BBIP1: variants seen among roughly 807,000 people sequenced by gnomAD.
BBIP1 encodes the protein BBSome-interacting protein 1.
In BBIP1, 6 loss-of-function variants were observed where a neutral mutation model predicts 8.9. The observed-to-expected ratio is 0.67, with a 90% CI of 0.37 to 1.33. BBIP1 has a LOEUF of 1.33. BBIP1 is among the 40% of genes most tolerant of loss of function. BBIP1 has a pLI of 0.02. For synonymous variants in BBIP1, 32 were observed against 33.4 expected (o/e 0.96, Z 0.14); for missense variants, 111 against 109.2 (o/e 1.02, Z -0.07).
chr10:110,907,601 G>C (rs529871959), intron 2 of BBIP1: 123 of 532,906 alleles, frequency 2.3e-4, no homozygotes, highest in South Asian at 2.4e-4. Flanking sequence ...TTTATCCACA[G>C]GTCCATTTTC....
At chr10:110,904,258 T>TA (rs60057763) in intron 2 of BBIP1, 2 of 152,004 alleles carry the variant, frequency 1.3e-5, no homozygotes, top group Non-Finnish European at 2.9e-5. Context: ...TGAGTTTTTT[T>TA]ATCATCTGCC....
Position 110,900,310 on chromosome 10 carries a change from T to G in BBIP1, c.*50A>C, listed in dbSNP as rs746988875. On this transcript the variant is annotated 3_prime_UTR_variant, in exon 4 of 4. Transcript: ENST00000448814. ...ACACAGAAGCATATTTTCTAGTTAT[T>G]GTTAAATAGTAGATAAGGCAGGTTG... is the stretch of plus-strand genomic sequence containing the variant. 6 of 1,459,428 alleles carry G rather than the reference T, an allele frequency of 4.1e-6. No homozygotes were observed. The highest frequency in any genetic ancestry group is 4.6e-6 in the Non-Finnish European group (5 of 1,098,024). The allele number at this position is 1,459,428 out of a possible 1,614,324, so 90.4% of individuals were successfully genotyped here. A position where few individuals can be genotyped will look rare whatever the true frequency, so the allele number is the denominator to read the frequency against.
chr10:110,918,587 G>A (rs893828868), intron 1 of BBIP1, among the ~76,000 whole-genome samples: 1 of 152,270 alleles, frequency 6.6e-6, no homozygotes, highest in African/African-American at 2.4e-5. Context: ...GCCGGAGTTA[G>A]GAGCTCCGCC....
intron 2 of BBIP1, chr10:110,910,592 C>T (rs1357214775): frequency 1.3e-5 from 2 of 152,184 alleles, no homozygotes; most frequent in African/African-American, 2.4e-5. Context: ...ATAACAGACA[C>T]TAAGAGGAGA....
intron 2 of BBIP1, chr10:110,912,364 T>C (rs1846300180): frequency 6.6e-6 from 1 of 152,170 alleles, no homozygotes; most frequent in East Asian, 1.9e-4. Flanking sequence ...TTTAAAAGCT[T>C]ACAAATTTTG....
chr10:110,900,615 A>G, intron 3 of BBIP1, 89 bp from the exon 4 acceptor site: 1 of 1,099,392 alleles, frequency 9.1e-7, no homozygotes, highest in Non-Finnish European at 1.2e-6. Context: ...GGTCTAAAAA[A>G]TTAATCTCTT....
chr10:110,914,463 G>A (rs1846349608), intron 2 of BBIP1, among the ~76,000 whole-genome samples: 3 of 151,752 alleles, frequency 2.0e-5, no homozygotes, highest in Admixed American at 2.0e-4. Context: ...TGAGAAAAAG[G>A]TGAAAAGGGG....
chr10:110,907,059 C>T (rs547566522), intron 2 of BBIP1: 4 of 152,244 alleles, frequency 2.6e-5, no homozygotes, highest in Admixed American at 2.0e-4. Context: ...TGCAGAAGCA[C>T]TACTTACTTA....
rs1162466475 is a variant in BBIP1, at chr10:110,900,075, A to AAGAT, written c.*281_*284dup. The AAGAT allele has an allele frequency of 1.1e-5, 3 of 279,484 alleles. No homozygotes were observed. Among genetic ancestry groups the AAGAT allele is most frequent in the African/African-American group, 4.4e-5 (2 of 45,506 alleles). The allele number at this position is 279,484 out of a possible 1,614,324, so 17.3% of individuals were successfully genotyped here. A position where few individuals can be genotyped will look rare whatever the true frequency, so the allele number is the denominator to read the frequency against. On this transcript the variant is annotated 3_prime_UTR_variant, in exon 4 of 4. Coordinates refer to ENST00000448814, the MANE Select transcript of BBIP1 (RefSeq NM_001195305.3). ...AAGATCCCAAGAATGTTATCTATAA[A>AAGAT]AGATAGCAATAGGAATGGTGAACAA...
chr10:110,911,618 G>A (rs1258072380), intron 2 of BBIP1: 3 of 151,336 alleles, frequency 2.0e-5, no homozygotes, highest in Admixed American at 6.6e-5. Flanking sequence ...GGAGGTGAAC[G>A]GGCACATGGG....
At chr10:110,913,982 T>G (rs1402395615) in intron 2 of BBIP1, among the ~76,000 whole-genome samples, 2 of 152,210 alleles carry the variant, frequency 1.3e-5, no homozygotes, top group African/African-American at 4.8e-5. Context: ...AGCCCACATT[T>G]CAACATGGCA....
chr10:110,910,586 CAG>C (rs1846252350), intron 2 of BBIP1: 1 of 152,168 alleles, frequency 6.6e-6, no homozygotes, highest in Non-Finnish European at 1.5e-5. Context: ...GCAGTGATAA[CAG>C]ACACTAAGAG....
At chr10:110,902,460 A>C (rs1045303023) in intron 2 of BBIP1, 1 of 152,186 alleles carries the variant, frequency 6.6e-6, no homozygotes, top group African/African-American at 2.4e-5. Flanking sequence ...TGCTGATGCA[A>C]CCTTACCATG....
chr10:110,907,515 GAAAAAA>G (rs34559519), intron 2 of BBIP1: 18 of 361,086 alleles, frequency 5.0e-5, no homozygotes, highest in Non-Finnish European at 7.0e-5. Context: ...CTTGTCTCAA[GAAAAAA>G]AAAAAAAAAG....
At chr10:110,913,641 C>T (rs1326930424) in intron 2 of BBIP1, among the ~76,000 whole-genome samples, 1 of 152,172 alleles carries the variant, frequency 6.6e-6, no homozygotes, top group African/African-American at 2.4e-5. Context: ...GTAATCAAGG[C>T]AACAGAAGCT....
At chr10:110,914,842 T>A (rs1846361384) in intron 2 of BBIP1, among the ~76,000 whole-genome samples, 1 of 152,186 alleles carries the variant, frequency 6.6e-6, no homozygotes, top group Non-Finnish European at 1.5e-5. Context: ...TACTATTAAG[T>A]TAGTAATGAT....
Position 110,918,171 on chromosome 10 carries a change from A to C in BBIP1, c.-14T>G, listed in dbSNP as rs1414069300. On this transcript the variant is annotated 5_prime_UTR_variant, in exon 2 of 4. Transcript: ENST00000448814. ...AGCTTTAAGCATCCAACCCGGTATTACCAAGATGACTTAGAGTTCTTGACT... is the reference window on the plus strand; with the variant it reads ...AGCTTTAAGCATCCAACCCGGTATTCCCAAGATGACTTAGAGTTCTTGACT... The C allele has an allele frequency of 3.3e-6, 5 of 1,535,196 alleles. No homozygotes were observed. Among genetic ancestry groups the C allele is most frequent in the Non-Finnish European group, 4.4e-6 (5 of 1,146,086 alleles).
intron 2 of BBIP1, chr10:110,903,437 A>G (rs1846054794): frequency 6.6e-6 from 1 of 152,314 alleles, no homozygotes; most frequent in Non-Finnish European, 1.5e-5. Flanking sequence ...GATTAGTGCC[A>G]GTCACTTGCC....
intron 1 of BBIP1, chr10:110,918,829 G>C (rs1473499489): frequency 6.6e-6 from 1 of 152,460 alleles, no homozygotes; most frequent in African/African-American, 2.4e-5. Context: ...CCACTGGTTG[G>C]GGTCCACGGA....
Sources: gnomAD v4.1 joint callset for allele counts (sites outside exome capture counted in the v4.1 genomes callset) on GRCh38, gnomAD v4.1.1 for gene constraint, MANE v1.5 for transcripts, NCBI Gene and HGNC (gene_info 2026-07-23, HGNC 2026-07-21) for gene names.